The following GIGYF2 variants were observed in gnomAD, a reference collection of about 807,000 sequenced individuals.
GIGYF2 encodes GRB10-interacting GYF protein 2.
A neutral mutation model predicts 208.1 loss-of-function variants in GIGYF2; 25 were observed. The observed-to-expected ratio is 0.12, with a 90% CI of 0.09 to 0.17. The LOEUF (loss-of-function observed/expected upper bound fraction) is 0.17. GIGYF2 is among the 10% of genes least tolerant of loss of function. The pLI is 1.00. For missense variants in GIGYF2, 1,302 were observed against 1,579.4 expected (o/e 0.82, Z 2.98); for synonymous variants, 534 against 543.8 (o/e 0.98, Z 0.25).
At chr2:232,810,942 T>A in intron 16 of GIGYF2, 1 of 300,008 alleles carries the variant, frequency 3.3e-6, no homozygotes, top group South Asian at 3.7e-5. Context: ...GTTTACCAAT[T>A]TTTGACATTC....
At chr2:232,726,833 A>G (rs1697223308) in intron 2 of GIGYF2, among the ~76,000 whole-genome samples, 1 of 152,244 alleles carries the variant, frequency 6.6e-6, no homozygotes, top group African/African-American at 2.4e-5. Flanking sequence ...ATTATGCACT[A>G]AGCAACTGTG....
chr2:232,736,476 G>A (rs192462889), intron 3 of GIGYF2: 2 of 152,258 alleles, frequency 1.3e-5, no homozygotes, highest in Admixed American at 1.3e-4. Flanking sequence ...CAGTTTTGTA[G>A]CCTGCTTAAA....
In GIGYF2 at chr2:232,833,681, G is replaced by A. The variant is rs547406708; in HGVS notation, c.2766+588G>A. Among the ~76,000 whole-genome samples the A allele has an allele frequency of 3.9e-5, 6 of 152,240 alleles. No individual in the cohort carries two copies. In the South Asian group the frequency reaches 1.0e-3, roughly 26 times the overall value. ...AGTGCCTATTCCATACCAGTTCAGC[G>A]CTGCTGAGACAAACATAAATGAGAC... On this transcript the variant is annotated intron_variant, in intron 22 of 28. Coordinates refer to ENST00000373563, the MANE Select transcript of GIGYF2 (RefSeq NM_001103146.3).
intron 8 of GIGYF2, among the ~76,000 whole-genome samples, chr2:232,774,935 C>T (rs1037879926): frequency 2.6e-5 from 4 of 152,164 alleles, no homozygotes; most frequent in South Asian, 2.1e-4. Context: ...TTACTTCTTA[C>T]CTACAACTTT....
At chr2:232,702,425 C>T (rs1052911499) in intron 1 of GIGYF2, among the ~76,000 whole-genome samples, 4 of 151,210 alleles carry the variant, frequency 2.6e-5, no homozygotes, top group Admixed American at 6.6e-5. Flanking sequence ...GGCAACAGAA[C>T]GAGACTCTGT....
chr2:232,796,548 A>G (rs1193219435), intron 14 of GIGYF2, among the ~76,000 whole-genome samples: 1 of 152,190 alleles, frequency 6.6e-6, no homozygotes, highest in African/African-American at 2.4e-5. Context: ...TGTATTAGAG[A>G]TAGTCAACCT....
chr2:232,832,327 G>A (rs78799228), intron 21 of GIGYF2, among the ~76,000 whole-genome samples: 3,272 of 152,304 alleles, frequency 0.021, 124 homozygotes, highest in African/African-American at 0.074. Flanking sequence ...AATGAGCCCA[G>A]GTGAGGGCAA....
chr2:232,736,857 T>C (rs2106298653), intron 3 of GIGYF2, among the ~76,000 whole-genome samples: 1 of 152,296 alleles, frequency 6.6e-6, no homozygotes, highest in South Asian at 2.1e-4. Context: ...AAGGAAGTTG[T>C]TTTTTTCAGC....
At chr2:232,732,198 A>G (rs1302036860) in intron 2 of GIGYF2, among the ~76,000 whole-genome samples, 1 of 152,190 alleles carries the variant, frequency 6.6e-6, no homozygotes, top group Non-Finnish European at 1.5e-5. Flanking sequence ...TTTAAGAGCA[A>G]TATAAGCTAT....
intron 14 of GIGYF2, among the ~76,000 whole-genome samples, chr2:232,802,727 G>A (rs1700434443): frequency 6.6e-6 from 1 of 152,106 alleles, no homozygotes; most frequent in Non-Finnish European, 1.5e-5. Context: ...GTCTGACTTT[G>A]ATACCAGGGT....
chr2:232,844,319 A>C, intron 24 of GIGYF2, 50 bp from the exon 25 acceptor site: 3 of 1,612,654 alleles, frequency 1.9e-6, no homozygotes, highest in Non-Finnish European at 2.5e-6. Flanking sequence ...CTGTCTTCTT[A>C]TCTTTTTAAC....
intron 8 of GIGYF2, chr2:232,771,348 A>G: frequency 6.2e-7 from 1 of 1,612,076 alleles, no homozygotes; most frequent in African/African-American, 1.3e-5. Context: ...TAACTTTGCA[A>G]TTACTGCTGT....
At chr2:232,838,309 T>C (rs1701714099) in intron 22 of GIGYF2, among the ~76,000 whole-genome samples, 1 of 152,064 alleles carries the variant, frequency 6.6e-6, no homozygotes, top group South Asian at 2.1e-4. Context: ...TACACGCATA[T>C]GTATGTGTGT....
At chr2:232,717,143 A>G (rs1696724139) in intron 2 of GIGYF2, among the ~76,000 whole-genome samples, 2 of 152,062 alleles carry the variant, frequency 1.3e-5, no homozygotes, top group African/African-American at 2.4e-5. Context: ...TAAAGCATTT[A>G]TGATTTATTT....
chr2:232,822,714 A>G (rs1278227876), intron 21 of GIGYF2, among the ~76,000 whole-genome samples: 1 of 152,138 alleles, frequency 6.6e-6, no homozygotes, highest in Admixed American at 6.5e-5. Flanking sequence ...AGTTCTATGG[A>G]ATTGGAATTG....
chr2:232,822,495 A>G (rs1701119499), intron 21 of GIGYF2, among the ~76,000 whole-genome samples: 1 of 152,228 alleles, frequency 6.6e-6, no homozygotes, highest in Admixed American at 6.5e-5. Flanking sequence ...AGCCTGGCCA[A>G]CAGGGTGAAA....
chr2:232,724,225 T>A (rs1697085389), intron 2 of GIGYF2, among the ~76,000 whole-genome samples: 1 of 129,458 alleles, frequency 7.7e-6, no homozygotes, highest in Middle Eastern at 4.0e-3. Context: ...TTTTTTTTTT[T>A]TTTTGTATTT....
rs2106360437 is a variant in GIGYF2 at position 232,787,248 on chromosome 2, C to A, written c.631C>A (p.Gln211Lys). The change falls in exon 9 of 29, where the codon CAA becomes AAA. Residue 211 changes from glutamine to lysine, a missense_variant. By Grantham distance (53) the Gln-to-Lys change is moderately conservative. Transcript: ENST00000373563. ...SENWRIFREE[Q>K]NGEDEDGGWR... is the part of the protein sequence containing the mutation. ...AAATTGGCGCATCTTTAGAGAGGAA[C>A]AAAATGGAGAAGATGAAGATGGAGG... 1.2e-6 allele frequency: 2 copies of A among 1,613,856 alleles called. No individual in the cohort carries two copies. The highest frequency in any genetic ancestry group is 3.3e-4 in the Middle Eastern group (2 of 6,062).
intron 9 of GIGYF2, chr2:232,788,051 G>T (rs1699968845): frequency 6.5e-6 from 1 of 153,710 alleles, no homozygotes; most frequent in African/African-American, 2.4e-5. Context: ...CCAATTGTGG[G>T]GTCATGCAAA....
Sources: gnomAD v4.1 joint callset for allele counts (sites outside exome capture counted in the v4.1 genomes callset) on GRCh38, gnomAD v4.1.1 for gene constraint, MANE v1.5 for transcripts, NCBI Gene and HGNC (gene_info 2026-07-23, HGNC 2026-07-21) for gene names.